RAPGEF4: variants seen among roughly 807,000 people sequenced by gnomAD.
RAPGEF4 encodes Rap guanine nucleotide exchange factor 4.
A neutral mutation model predicts 147.9 loss-of-function variants in RAPGEF4; 66 were observed. The observed-to-expected ratio is 0.45, with a 90% CI of 0.37 to 0.55. RAPGEF4 has a LOEUF of 0.55. RAPGEF4 is among the 20% of genes least tolerant of loss of function. The pLI is 0.00. For missense variants in RAPGEF4, 1,071 were observed against 1,257.3 expected, an observed-to-expected ratio of 0.85 and a Z score of 2.24; for synonymous variants, 419 against 442.7, an observed-to-expected ratio of 0.95 and a Z score of 0.67.
At chr2:172,816,921 A>G (rs1688568950) in intron 4 of RAPGEF4, among the ~76,000 whole-genome samples, 1 of 152,224 alleles carries the variant, frequency 6.6e-6, no homozygotes, top group South Asian at 2.1e-4. Flanking sequence ...TGCTCAATCA[A>G]TGTTTTAATT....
At chr2:172,979,146 C>T (rs1418019248) in intron 10 of RAPGEF4, among the ~76,000 whole-genome samples, 7 of 152,204 alleles carry the variant, frequency 4.6e-5, no homozygotes, top group Non-Finnish European at 1.0e-4. Context: ...TCTCCTCCCT[C>T]TATTAATAAT....
At chr2:172,737,458 T>TAATA (rs1693900738) in intron 1 of RAPGEF4, among the ~76,000 whole-genome samples, 1 of 24,086 alleles carries the variant, frequency 4.2e-5, no homozygotes, top group African/African-American at 1.0e-4. Flanking sequence ...AATTTTTAGA[T>TAATA]AATAACATAT....
intron 4 of RAPGEF4, among the ~76,000 whole-genome samples, chr2:172,826,973 A>G (rs1689737988): frequency 6.6e-6 from 1 of 152,112 alleles, no homozygotes. Flanking sequence ...TCAAAAAAAA[A>G]AAGAAAAGTA....
rs113097396 is a variant in RAPGEF4 at position 172,962,344 on chromosome 2, A to G, written c.698+1116A>G. 6.1e-3 allele frequency among the ~76,000 whole-genome samples: 929 copies of G among 152,246 alleles called. 14 individuals are homozygous for G. Among genetic ancestry groups the G allele is most frequent in the African/African-American group, 0.021 (886 of 41,552 alleles). On this transcript the variant is annotated intron_variant, in intron 8 of 30. Transcript: ENST00000397081. ...CACAGGAACCAAATTCATAAGACAC[A>G]CTGAAAAACTAGAATACAAATTTCA...
intron 1 of RAPGEF4, among the ~76,000 whole-genome samples, chr2:172,787,976 T>G (rs189453046): frequency 6.6e-6 from 1 of 152,272 alleles, no homozygotes; most frequent in Non-Finnish European, 1.5e-5. Flanking sequence ...TTCTCATAGT[T>G]CTAGAGGCTA....
chr2:172,915,303 A>C (rs1021736052), intron 4 of RAPGEF4, among the ~76,000 whole-genome samples: 18 of 152,208 alleles, frequency 1.2e-4, no homozygotes, highest in Admixed American at 1.0e-3. Flanking sequence ...GATATTATGG[A>C]TATATTACAT....
intron 29 of RAPGEF4, chr2:173,048,361 C>T (rs1685762901): frequency 2.4e-6 from 2 of 819,014 alleles, no homozygotes; most frequent in South Asian, 2.5e-5. Flanking sequence ...AATATGCCAA[C>T]AATTATGAGA....
In RAPGEF4 at chr2:172,917,792, T is replaced by C; in HGVS notation, c.445-10T>C. 6.2e-7 allele frequency: 1 copy of C among 1,608,226 alleles called. No homozygotes were observed. The highest frequency in any genetic ancestry group is 8.5e-7 in the Non-Finnish European group (1 of 1,174,740). Reference sequence around the variant, plus strand: ...TATCTGTGTGTTGAGTTTACAATCTTGTCTTTCAGAAATATCGACAGTATA... The same window carrying C: ...TATCTGTGTGTTGAGTTTACAATCTCGTCTTTCAGAAATATCGACAGTATA... On this transcript the variant is annotated splice_polypyrimidine_tract_variant and intron_variant, in intron 4 of 30. Transcript: ENST00000397081.
In RAPGEF4 at chr2:172,868,319, G is replaced by A. The variant is rs1320243767; in HGVS notation, c.445-49483G>A. Among the ~76,000 whole-genome samples the A allele has an allele frequency of 2.0e-5, 3 of 152,198 alleles. No homozygotes were observed. The East Asian group carries it at 5.8e-4, about 29-fold the overall frequency. The stretch of plus-strand genomic sequence containing the variant: ...CTTCAAGGTTCATTTGAAATTCACA[G>A]AGAACTCTAAATTTGTTTTGACATC... On this transcript the variant is annotated intron_variant, in intron 4 of 30. Transcript: ENST00000397081.
chr2:172,979,724 G>A (rs949139111), intron 10 of RAPGEF4, among the ~76,000 whole-genome samples: 1 of 152,220 alleles, frequency 6.6e-6, no homozygotes, highest in Non-Finnish European at 1.5e-5. Flanking sequence ...AGGAATAAAT[G>A]TTAGAGAGTG....
intron 6 of RAPGEF4, among the ~76,000 whole-genome samples, chr2:172,953,844 G>C (rs905689208): frequency 6.6e-6 from 1 of 152,084 alleles, no homozygotes; most frequent in Non-Finnish European, 1.5e-5. Context: ...GTGTATGAGG[G>C]AGAGAGAAAG....
intron 4 of RAPGEF4, among the ~76,000 whole-genome samples, chr2:172,826,143 T>C (rs1478327252): frequency 6.6e-6 from 1 of 152,210 alleles, no homozygotes; most frequent in East Asian, 1.9e-4. Context: ...TCTGGTCCCT[T>C]GCTTTCTTTT....
intron 4 of RAPGEF4, among the ~76,000 whole-genome samples, chr2:172,822,313 T>A (rs775065829): frequency 2.0e-5 from 3 of 152,228 alleles, no homozygotes; most frequent in Non-Finnish European, 4.4e-5. Context: ...CATACATGTA[T>A]TTTTCTAGTG....
At chr2:172,874,390 C>A (rs958304895) in intron 4 of RAPGEF4, among the ~76,000 whole-genome samples, 1 of 152,014 alleles carries the variant, frequency 6.6e-6, no homozygotes, top group Non-Finnish European at 1.5e-5. Context: ...TAATGCCATC[C>A]CTCCCTGCTC....
At chr2:172,886,765 T>A (rs1403543143) in intron 4 of RAPGEF4, among the ~76,000 whole-genome samples, 1 of 152,164 alleles carries the variant, frequency 6.6e-6, no homozygotes, top group African/African-American at 2.4e-5. Context: ...TTACTATTTT[T>A]TTTTCTTCCC....
At chr2:172,795,952 C>T (rs1358249986) in intron 2 of RAPGEF4, among the ~76,000 whole-genome samples, 1 of 152,212 alleles carries the variant, frequency 6.6e-6, no homozygotes, top group East Asian at 1.9e-4. Context: ...CAAAAACATC[C>T]TGCTGAAGGA....
chr2:172,745,988 T>G (rs1219477485), intron 1 of RAPGEF4, among the ~76,000 whole-genome samples: 1 of 152,252 alleles, frequency 6.6e-6, no homozygotes, highest in African/African-American at 2.4e-5. Context: ...TGATCTGATT[T>G]AATCCAAGGA....
chr2:172,788,892 T>TAAATAAAATA (rs137917661), intron 1 of RAPGEF4, among the ~76,000 whole-genome samples: 154 of 150,700 alleles, frequency 1.0e-3, no homozygotes, highest in African/African-American at 2.3e-3. Context: ...AGACCCTATC[T>TAAATAAAATA]AAATAAAATA....
intron 12 of RAPGEF4, among the ~76,000 whole-genome samples, 178 bp from the exon 13 acceptor site, chr2:172,988,018 G>T (rs1040296510): frequency 6.6e-6 from 1 of 152,164 alleles, no homozygotes; most frequent in African/African-American, 2.4e-5. Context: ...TCTTTCTTTT[G>T]TATTCTATAG....
Sources: allele counts gnomAD v4.1 joint callset (sites outside exome capture counted in the v4.1 genomes callset), GRCh38; gene constraint gnomAD v4.1.1; transcripts MANE v1.5; gene names NCBI Gene and HGNC (gene_info 2026-07-23, HGNC 2026-07-21).